The following CDH18 variants were observed in gnomAD, a reference collection of about 807,000 sequenced individuals.
The protein encoded by CDH18 is cadherin-18.
A neutral mutation model predicts 67.9 loss-of-function variants in CDH18; 31 were observed. The observed-to-expected ratio is 0.46, with a 90% CI of 0.34 to 0.62. CDH18 has a LOEUF of 0.62. Ranked by LOEUF, CDH18 falls within the 20% of genes least tolerant of loss-of-function variation. CDH18 has a pLI of 0.01. For missense variants in CDH18, 890 were observed against 975.5 expected (o/e 0.91, Z 1.17); for synonymous variants, 362 against 347.2 (o/e 1.04, Z -0.48).
At chr5:20,154,368 T>A (rs1425555757) in intron 2 of CDH18, among the ~76,000 whole-genome samples, 3 of 152,182 alleles carry the variant, frequency 2.0e-5, no homozygotes, top group Non-Finnish European at 2.9e-5. Flanking sequence ...TATAAGCCAA[T>A]ATTTACTTTT....
chr5:19,898,346 T>C (rs1789568498), intron 2 of CDH18, among the ~76,000 whole-genome samples: 1 of 43,716 alleles, frequency 2.3e-5, no homozygotes, highest in Admixed American at 2.2e-4. Flanking sequence ...TCATTGTTCT[T>C]ATAGTTAAAA....
intron 3 of CDH18, among the ~76,000 whole-genome samples, chr5:19,790,514 A>G (rs1776247878): frequency 6.6e-6 from 1 of 152,156 alleles, no homozygotes; most frequent in African/African-American, 2.4e-5. Context: ...TTAAAATATG[A>G]ATTTGGTAAA....
At chr5:19,911,369 T>G (rs1365685474) in intron 2 of CDH18, among the ~76,000 whole-genome samples, 1 of 151,840 alleles carries the variant, frequency 6.6e-6, no homozygotes, top group Non-Finnish European at 1.5e-5. Flanking sequence ...ATGGTAGAGT[T>G]AGAGAGAAGG....
chr5:19,787,866 C>T (rs1775979270), intron 3 of CDH18, among the ~76,000 whole-genome samples: 1 of 147,342 alleles, frequency 6.8e-6, no homozygotes, highest in Non-Finnish European at 1.5e-5. Flanking sequence ...TCTATATATA[C>T]TTATAAAACC....
Position 20,060,804 on chromosome 5 carries a change from G to A in CDH18, c.-517-68790C>T, listed in dbSNP as rs542363763. ...CAATTCTATATAAGTGAAGGCAACCGAAATATTATTCATCATACTATTTAA... is the reference window on the plus strand; with the variant it reads ...CAATTCTATATAAGTGAAGGCAACCAAAATATTATTCATCATACTATTTAA... On this transcript the variant is annotated intron_variant, in intron 2 of 14. Transcript: ENST00000507958. 4.6e-5 allele frequency among the ~76,000 whole-genome samples: 7 copies of A among 152,130 alleles called. No individual in the cohort carries two copies. The East Asian group carries it at 5.8e-4, about 13-fold the overall frequency.
rs145352932 is a variant in CDH18 at position 20,219,558 on chromosome 5, T to C, written c.-518+35886A>G. Among the ~76,000 whole-genome samples, 48 of 150,830 alleles carry C rather than the reference T, an allele frequency of 3.2e-4. No individual in the cohort carries two copies. The East Asian group carries it at 9.3e-3, about 29-fold the overall frequency. On this transcript the variant is annotated intron_variant, in intron 2 of 14. Transcript: ENST00000507958. ...AAAAAACAAATCAGAACAATATTCC[T>C]GATAAACATTGACACAAAATACTCA...
At chr5:20,415,984 G>A (rs913913385) in intron 1 of CDH18, among the ~76,000 whole-genome samples, 1 of 151,848 alleles carries the variant, frequency 6.6e-6, no homozygotes, top group Non-Finnish European at 1.5e-5. Context: ...AGAAACTGGG[G>A]CAAGGAAAAA....
intron 2 of CDH18, among the ~76,000 whole-genome samples, chr5:20,101,182 G>A (rs998973024): frequency 1.3e-5 from 2 of 151,758 alleles, no homozygotes; most frequent in African/African-American, 2.4e-5. Flanking sequence ...GGTTAGTCTG[G>A]AATTTCTGGG....
chr5:19,475,466 T>A (rs1050658284), intron 12 of CDH18, among the ~76,000 whole-genome samples: 2 of 151,474 alleles, frequency 1.3e-5, no homozygotes, highest in African/African-American at 4.9e-5. Context: ...TGAATGCATA[T>A]TGCTTTCACA....
At chr5:19,971,580 T>C (rs1162849926) in intron 2 of CDH18, among the ~76,000 whole-genome samples, 1 of 151,936 alleles carries the variant, frequency 6.6e-6, no homozygotes, top group African/African-American at 2.4e-5. Flanking sequence ...AAACATACCA[T>C]GAAACCTACT....
chr5:19,581,530 A>G (rs923933532), intron 7 of CDH18, among the ~76,000 whole-genome samples: 23 of 152,144 alleles, frequency 1.5e-4, no homozygotes, highest in Admixed American at 8.5e-4. Context: ...AAGTTGCCGT[A>G]TGAGTCAATT....
intron 3 of CDH18, among the ~76,000 whole-genome samples, chr5:19,809,986 A>T (rs1314441967): frequency 6.6e-6 from 1 of 152,156 alleles, no homozygotes; most frequent in Non-Finnish European, 1.5e-5. Flanking sequence ...GAAAACTTGA[A>T]AAAGACTGTT....
chr5:20,279,631 G>T (rs1349329172), intron 1 of CDH18, among the ~76,000 whole-genome samples: 1 of 143,510 alleles, frequency 7.0e-6, no homozygotes, highest in African/African-American at 2.6e-5. Context: ...CCTGGGAGGT[G>T]GAGGTTGCAG....
At chr5:19,898,969 A>G (rs564826943) in intron 2 of CDH18, among the ~76,000 whole-genome samples, 55 of 152,358 alleles carry the variant, frequency 3.6e-4, no homozygotes, top group Middle Eastern at 3.4e-3. Context: ...AAATAACCAA[A>G]TAACCCAATT....
intron 5 of CDH18, among the ~76,000 whole-genome samples, chr5:19,637,699 C>T (rs568489987): frequency 6.6e-6 from 1 of 152,266 alleles, no homozygotes; most frequent in African/African-American, 2.4e-5. Context: ...TTATCCCGGC[C>T]TGCCTGTAGC....
chr5:20,326,007 T>G (rs940216525), intron 1 of CDH18, among the ~76,000 whole-genome samples: 2 of 152,204 alleles, frequency 1.3e-5, no homozygotes, highest in African/African-American at 4.8e-5. Flanking sequence ...TTCCTCATAC[T>G]TTTCCTCCCA....
intron 5 of CDH18, among the ~76,000 whole-genome samples, chr5:19,675,049 G>A (rs1172248891): frequency 6.6e-6 from 1 of 151,988 alleles, no homozygotes; most frequent in Non-Finnish European, 1.5e-5. Flanking sequence ...GTGTCTGGGG[G>A]AGACATCACA....
chr5:20,056,478 GTTTTTTT>G (rs58415003), intron 2 of CDH18, among the ~76,000 whole-genome samples: 7 of 16,290 alleles, frequency 4.3e-4, no homozygotes, highest in Non-Finnish European at 5.1e-4. Flanking sequence ...TCTTTCTTTT[GTTTTTTT>G]TTTTTTTTTT....
At chr5:20,304,192 C>T in intron 1 of CDH18, 2 of 1,521,226 alleles carry the variant, frequency 1.3e-6, no homozygotes, top group Non-Finnish European at 1.8e-6. Context: ...CGTTATTTTT[C>T]CCTGTTGGCG....
Sources: allele counts gnomAD v4.1 joint callset (sites outside exome capture counted in the v4.1 genomes callset), GRCh38; gene constraint gnomAD v4.1.1; transcripts MANE v1.5; gene names NCBI Gene and HGNC (gene_info 2026-07-23, HGNC 2026-07-21).